The following PHACTR1 variants were observed in gnomAD, a reference collection of about 807,000 sequenced individuals.
PHACTR1 encodes RPEL repeat containing 1.
PHACTR1 carries 16 observed loss-of-function variants against 69.2 expected under a neutral mutation model. That is an observed-to-expected ratio of 0.23 (90% confidence interval 0.16 to 0.35). PHACTR1 has a LOEUF of 0.35. Among genes scored for constraint, PHACTR1 ranks in the 10% least tolerant of loss-of-function variants. The pLI is 1.00. For synonymous variants in PHACTR1, 312 were observed against 284.5 expected, an observed-to-expected ratio of 1.10 and a Z score of -0.97; for missense variants, 510 against 734.7, an observed-to-expected ratio of 0.69 and a Z score of 3.54.
intron 4 of PHACTR1, among the ~76,000 whole-genome samples, chr6:12,901,715 C>T (rs1785216933): frequency 6.6e-6 from 1 of 152,124 alleles, no homozygotes; most frequent in South Asian, 2.1e-4. Context: ...AGGCTGGTCT[C>T]GAACTCCTGA....
chr6:13,228,997 G>A (rs1458877767), intron 9 of PHACTR1, among the ~76,000 whole-genome samples: 1 of 152,204 alleles, frequency 6.6e-6, no homozygotes, highest in African/African-American at 2.4e-5. Context: ...CAAATAGCTG[G>A]CTCCAAGTAA....
chr6:12,827,090 C>T (rs1409863401), intron 4 of PHACTR1, among the ~76,000 whole-genome samples: 2 of 152,190 alleles, frequency 1.3e-5, no homozygotes, highest in Non-Finnish European at 1.5e-5. Flanking sequence ...AGTCATTACG[C>T]TATTGATTAT....
chr6:13,161,585 C>T (rs1011145849), intron 6 of PHACTR1, among the ~76,000 whole-genome samples: 5 of 152,148 alleles, frequency 3.3e-5, no homozygotes, highest in East Asian at 1.9e-4. Flanking sequence ...TGTAATCTGC[C>T]GACGCAGTCC....
intron 4 of PHACTR1, among the ~76,000 whole-genome samples, chr6:13,009,740 G>A (rs1450437326): frequency 6.6e-6 from 1 of 152,056 alleles, no homozygotes; most frequent in Admixed American, 6.5e-5. Context: ...CCTAATGGTG[G>A]GATCTTCTGG....
At chr6:13,046,284 C>CT (rs1561745418) in intron 4 of PHACTR1, among the ~76,000 whole-genome samples, 1 of 152,192 alleles carries the variant, frequency 6.6e-6, no homozygotes, top group East Asian at 1.9e-4. Flanking sequence ...CCCATCCCCA[C>CT]CGGGACTTGC....
Position 13,061,838 on chromosome 6 carries a change from C to A in PHACTR1, c.415+8309C>A, listed in dbSNP as rs537477355. On this transcript the variant is annotated intron_variant, in intron 5 of 14. Transcript: ENST00000332995. The stretch of plus-strand genomic sequence containing the variant: ...CCTTTTCCAAATTGAGATGTTTTGG[C>A]CCATCATATTTTTAAGCAATAAAGT... 1.5e-4 allele frequency among the ~76,000 whole-genome samples: 23 copies of A among 152,182 alleles called. No individual in the cohort carries two copies. In the South Asian group the frequency reaches 4.8e-3, roughly 32 times the overall value.
chr6:13,010,482 T>C (rs771260115), intron 4 of PHACTR1, among the ~76,000 whole-genome samples: 1 of 152,140 alleles, frequency 6.6e-6, no homozygotes, highest in Non-Finnish European at 1.5e-5. Context: ...ATGACTTACT[T>C]TGGAATGAAA....
At chr6:13,060,900 C>T (rs1807586243) in intron 5 of PHACTR1, among the ~76,000 whole-genome samples, 2 of 152,202 alleles carry the variant, frequency 1.3e-5, no homozygotes. Context: ...GGGTTAGTTT[C>T]CTAAGCTGCT....
In PHACTR1 at chr6:12,932,660, T is replaced by C. The variant is rs1240923951; in HGVS notation, c.251-120705T>C. Among the ~76,000 whole-genome samples the C allele has an allele frequency of 7.9e-5, 12 of 152,348 alleles. No individual in the cohort carries two copies. In the East Asian group the frequency reaches 2.3e-3, roughly 29 times the overall value. On this transcript the variant is annotated intron_variant, in intron 4 of 14. Transcript: ENST00000332995. ...TCTTCTCTCTTAAGCTAAACAATTC[T>C]GACCCCTTAAACAATATCTTTTAAT...
At chr6:12,939,919 T>C (rs914327588) in intron 4 of PHACTR1, among the ~76,000 whole-genome samples, 4 of 152,210 alleles carry the variant, frequency 2.6e-5, no homozygotes, top group African/African-American at 9.6e-5. Flanking sequence ...CTCAGAATGT[T>C]TACTATACAA....
chr6:13,113,166 A>T (rs1817299522), intron 5 of PHACTR1, among the ~76,000 whole-genome samples: 1 of 152,106 alleles, frequency 6.6e-6, no homozygotes, highest in Non-Finnish European at 1.5e-5. Flanking sequence ...ATGTCACTGC[A>T]CTCCAGCCTG....
intron 4 of PHACTR1, among the ~76,000 whole-genome samples, chr6:12,992,701 C>T (rs1306799870): frequency 6.6e-6 from 1 of 152,100 alleles, no homozygotes; most frequent in Non-Finnish European, 1.5e-5. Context: ...CATTTAAGAG[C>T]AGAGGTTTGA....
intron 5 of PHACTR1, among the ~76,000 whole-genome samples, chr6:13,077,770 G>A (rs2127789099): frequency 6.6e-6 from 1 of 152,220 alleles, no homozygotes; most frequent in South Asian, 2.1e-4. Flanking sequence ...AGACATTGGA[G>A]CCAGCATGAG....
chr6:12,831,058 T>C (rs1777522695), intron 4 of PHACTR1, among the ~76,000 whole-genome samples: 1 of 152,182 alleles, frequency 6.6e-6, no homozygotes, highest in Non-Finnish European at 1.5e-5. Flanking sequence ...TCCAGAAACC[T>C]ACAACATACA....
At chr6:12,758,445 G>A (rs1767620007) in intron 4 of PHACTR1, among the ~76,000 whole-genome samples, 1 of 134,082 alleles carries the variant, frequency 7.5e-6, no homozygotes, top group Non-Finnish European at 1.6e-5. Context: ...CAGCCTGGGT[G>A]AAAGAGCGAG....
intron 10 of PHACTR1, among the ~76,000 whole-genome samples, chr6:13,249,923 T>C (rs1257146496): frequency 3.3e-5 from 5 of 152,316 alleles, no homozygotes; most frequent in Admixed American, 6.5e-5. Flanking sequence ...CACTGGCTGA[T>C]GCTTCAAGGA....
intron 4 of PHACTR1, among the ~76,000 whole-genome samples, chr6:12,813,401 A>G (rs2127698895): frequency 6.6e-6 from 1 of 152,338 alleles, no homozygotes; most frequent in Non-Finnish European, 1.5e-5. Context: ...GCAGTTTTCT[A>G]GGCTGAGCGG....
chr6:13,032,140 T>C (rs1395845040), intron 4 of PHACTR1, among the ~76,000 whole-genome samples: 6 of 152,242 alleles, frequency 3.9e-5, no homozygotes, highest in African/African-American at 1.4e-4. Context: ...TCAGATATTA[T>C]ATAGCCTGTG....
At chr6:13,202,929 G>A (rs1310611727) in intron 7 of PHACTR1, among the ~76,000 whole-genome samples, 1 of 152,230 alleles carries the variant, frequency 6.6e-6, no homozygotes, top group Non-Finnish European at 1.5e-5. Context: ...TGCATGAGGG[G>A]TCACAATGAA....
Sources: gnomAD v4.1 joint callset for allele counts (sites outside exome capture counted in the v4.1 genomes callset) on GRCh38, gnomAD v4.1.1 for gene constraint, MANE v1.5 for transcripts, NCBI Gene and HGNC (gene_info 2026-07-23, HGNC 2026-07-21) for gene names.